KCTD1: variants seen among roughly 807,000 people sequenced by gnomAD.
The protein encoded by KCTD1 is potassium channel tetramerization domain containing 1, also known as BTB/POZ domain-containing protein KCTD1.
Under a neutral mutation model 66.0 loss-of-function variants are expected in KCTD1, and 24 were observed. The ratio of observed to expected loss-of-function variants is 0.36; its 90% CI spans 0.26 to 0.51. KCTD1 has a LOEUF of 0.51. Ranked by LOEUF, KCTD1 falls within the 20% of genes least tolerant of loss-of-function variation. The probability of loss-of-function intolerance (pLI) is 0.95; values close to 1 mark genes in which losing one functional copy is unlikely to be tolerated. For missense variants in KCTD1, 943 were observed against 1,205.2 expected (o/e 0.78, Z 3.22); for synonymous variants, 511 against 517.2 (o/e 0.99, Z 0.16).
intron 2 of KCTD1, among the ~76,000 whole-genome samples, chr18:26,479,116 A>G (rs1175996008): frequency 6.6e-6 from 1 of 152,244 alleles, no homozygotes; most frequent in Admixed American, 6.5e-5. Flanking sequence ...TTAAAATAGA[A>G]AAAAGCTGCA....
intron 2 of KCTD1, among the ~76,000 whole-genome samples, chr18:26,479,640 C>T (rs1363792405): frequency 3.9e-5 from 6 of 152,168 alleles, no homozygotes; most frequent in Non-Finnish European, 8.8e-5. Flanking sequence ...GAAAACGTTC[C>T]CCATTGGAAG....
At chr18:26,549,753 T>G (rs1336617307), upstream of KCTD1, 1 of 985,290 alleles carries the variant, frequency 1.0e-6, no homozygotes. Context: ...CCGCCATTCG[T>G]TCGCCCTCCG....
chr18:26,602,842 T>G (rs1986927814), intron 1 of KCTD1, among the ~76,000 whole-genome samples: 1 of 152,206 alleles, frequency 6.6e-6, no homozygotes, highest in Non-Finnish European at 1.5e-5. Context: ...GGCCTAAATA[T>G]GAGAATAGTA....
intron 2 of KCTD1, among the ~76,000 whole-genome samples, chr18:26,491,895 A>G (rs938138373): frequency 6.6e-6 from 1 of 152,148 alleles, no homozygotes; most frequent in African/African-American, 2.4e-5. Context: ...TGAACATGGG[A>G]AACATTAAAA....
chr18:26,528,417 A>G (rs1984274601), intron 1 of KCTD1, among the ~76,000 whole-genome samples: 1 of 152,106 alleles, frequency 6.6e-6, no homozygotes, highest in Non-Finnish European at 1.5e-5. Context: ...TCTAAAGCCA[A>G]TCACTCCACC....
At chr18:26,569,202 A>G (rs1402531666) in intron 1 of KCTD1, among the ~76,000 whole-genome samples, 1 of 152,230 alleles carries the variant, frequency 6.6e-6, no homozygotes, top group Non-Finnish European at 1.5e-5. Context: ...CACTTGACAG[A>G]TAAGAAAACA....
At chr18:26,622,273 G>T (rs796779446) in intron 1 of KCTD1, among the ~76,000 whole-genome samples, 98 of 152,248 alleles carry the variant, frequency 6.4e-4, no homozygotes, top group African/African-American at 2.2e-3. Flanking sequence ...GGCATGGGTT[G>T]GTAAAGAGGT....
chr18:26,636,248 A>G (rs1198452338), intron 1 of KCTD1, among the ~76,000 whole-genome samples: 1 of 152,154 alleles, frequency 6.6e-6, no homozygotes, highest in Non-Finnish European at 1.5e-5. Context: ...CCATCTGTCT[A>G]TTTCATGGCG....
chr18:26,593,271 G>A (rs1348547047), intron 1 of KCTD1, among the ~76,000 whole-genome samples: 1 of 151,890 alleles, frequency 6.6e-6, no homozygotes, highest in Non-Finnish European at 1.5e-5. Context: ...GGAGGAGGAG[G>A]AGGAAGACAA....
chr18:26,643,766 T>G (rs181863807), upstream of KCTD1, among the ~76,000 whole-genome samples: 1 of 152,220 alleles, frequency 6.6e-6, no homozygotes, highest in Non-Finnish European at 1.5e-5. Flanking sequence ...ATGGAGACCA[T>G]CCTGGCTAAC....
chr18:26,636,636 G>T (rs376151856), intron 1 of KCTD1, among the ~76,000 whole-genome samples: 1 of 152,126 alleles, frequency 6.6e-6, no homozygotes, highest in African/African-American at 2.4e-5. Flanking sequence ...TTGCATCAAC[G>T]AATACCTGAG....
intron 3 of KCTD1, among the ~76,000 whole-genome samples, chr18:26,473,305 A>G (rs1981166684): frequency 6.6e-6 from 1 of 152,182 alleles, no homozygotes; most frequent in South Asian, 2.1e-4. Context: ...CAAATAACAC[A>G]GGAACAGAAA....
intron 1 of KCTD1, among the ~76,000 whole-genome samples, chr18:26,606,359 C>T (rs760567418): frequency 1.8e-4 from 28 of 152,268 alleles, no homozygotes; most frequent in East Asian, 1.9e-4. Context: ...CTTTGGAATG[C>T]CCTTGGCCAA....
intron 1 of KCTD1, among the ~76,000 whole-genome samples, chr18:26,645,910 A>G (rs1436478361): frequency 1.3e-5 from 2 of 152,222 alleles, no homozygotes; most frequent in East Asian, 1.9e-4. Context: ...AGCTCTGCAG[A>G]CAATTCTGTT....
chr18:26,577,534 C>A (rs1986252486), intron 1 of KCTD1, among the ~76,000 whole-genome samples: 1 of 143,198 alleles, frequency 7.0e-6, no homozygotes, highest in African/African-American at 2.5e-5. Context: ...AATTCATGAG[C>A]ATTTCTTAAT....
At chr18:26,605,798 C>T (rs909793480) in intron 1 of KCTD1, among the ~76,000 whole-genome samples, 2 of 146,820 alleles carry the variant, frequency 1.4e-5, no homozygotes, top group Non-Finnish European at 3.0e-5. Context: ...TGTGGTAGAT[C>T]GATTACAAAA....
chr18:26,654,746 T>G (rs910542613), intron 1 of KCTD1, among the ~76,000 whole-genome samples: 27 of 152,234 alleles, frequency 1.8e-4, no homozygotes, highest in African/African-American at 6.3e-4. Flanking sequence ...CCTAACCCAA[T>G]GAAGTTTTCT....
chr18:26,568,572 A>G (rs1427288057), intron 1 of KCTD1, among the ~76,000 whole-genome samples: 13 of 152,134 alleles, frequency 8.5e-5, no homozygotes, highest in Admixed American at 8.5e-4. Context: ...CTTTTCCTAC[A>G]ACATAAAAAA....
chr18:26,556,798 C>G (rs1238023907), intron 1 of KCTD1, among the ~76,000 whole-genome samples: 1 of 152,208 alleles, frequency 6.6e-6, no homozygotes, highest in African/African-American at 2.4e-5. Flanking sequence ...GACTCTAGGG[C>G]ACACATACTT....
Sources: allele counts gnomAD v4.1 joint callset (sites outside exome capture counted in the v4.1 genomes callset), GRCh38; gene constraint gnomAD v4.1.1; transcripts MANE v1.5; gene names NCBI Gene and HGNC (gene_info 2026-07-23, HGNC 2026-07-21).